The following MBOAT1 variants were observed in gnomAD, a reference collection of about 807,000 sequenced individuals.
MBOAT1 encodes the protein membrane-bound glycerophospholipid O-acyltransferase 1.
MBOAT1 carries 67 observed loss-of-function variants against 64.4 expected under a neutral mutation model. That is an observed-to-expected ratio of 1.04 (90% CI 0.85 to 1.27). MBOAT1 has a LOEUF of 1.27. Ranked by LOEUF, MBOAT1 falls within the 50% of genes most tolerant of loss-of-function variation. The probability of loss-of-function intolerance (pLI) is 0.00; values close to 1 mark genes in which losing one functional copy is unlikely to be tolerated. For synonymous variants in MBOAT1, 229 were observed against 218.9 expected, an observed-to-expected ratio of 1.05 and a Z score of -0.41; for missense variants, 563 against 604.6, an observed-to-expected ratio of 0.93 and a Z score of 0.72.
rs988040844 is a variant in MBOAT1 at position 20,142,637 on chromosome 6, A to C, written c.419+1583T>G. 8.5e-5 allele frequency among the ~76,000 whole-genome samples: 13 copies of C among 152,182 alleles called. 1 individual carries two copies. The highest frequency in any genetic ancestry group is 7.2e-4 in the Admixed American group (11 of 15,278). On this transcript the variant is annotated intron_variant, in intron 4 of 12. Coordinates refer to ENST00000324607, the MANE Select transcript of MBOAT1 (RefSeq NM_001080480.3). ...GCTAATTTTTATATTTTTAGTAGAG[A>C]TAGCGTTTCACCATGTTGGTCAGGC... is the stretch of plus-strand genomic sequence containing the variant.
At chr6:20,118,679 G>A (rs1238638913) in intron 8 of MBOAT1, 139 bp from the exon 9 acceptor site, 2 of 634,868 alleles carry the variant, frequency 3.2e-6, no homozygotes, top group Non-Finnish European at 5.4e-6. Context: ...AAAATGTAAA[G>A]GACCTGCTAA....
intron 11 of MBOAT1, among the ~76,000 whole-genome samples, chr6:20,110,636 C>G (rs1354883653): frequency 6.6e-6 from 1 of 151,960 alleles, no homozygotes; most frequent in Non-Finnish European, 1.5e-5. Context: ...CAAAGGAAAG[C>G]ATCACTTAAA....
At chr6:20,151,079 C>A in intron 3 of MBOAT1, 106 bp downstream of exon 3, 1 of 773,390 alleles carries the variant, frequency 1.3e-6, no homozygotes, top group Non-Finnish European at 2.2e-6. Flanking sequence ...CTAAGATATA[C>A]CACTTGTGGA....
chr6:20,199,705 C>T (rs1011665515), intron 1 of MBOAT1, among the ~76,000 whole-genome samples: 2 of 152,214 alleles, frequency 1.3e-5, no homozygotes, highest in Non-Finnish European at 2.9e-5. Context: ...TGCGGTGGCT[C>T]ACGCCCATAA....
chr6:20,181,806 A>C (rs939590579), intron 1 of MBOAT1, among the ~76,000 whole-genome samples: 5 of 152,220 alleles, frequency 3.3e-5, no homozygotes, highest in African/African-American at 1.2e-4. Flanking sequence ...CAGCACTATG[A>C]GAGGGCAGGG....
At chr6:20,146,895 T>C (rs1761340212) in intron 3 of MBOAT1, among the ~76,000 whole-genome samples, 1 of 152,208 alleles carries the variant, frequency 6.6e-6, no homozygotes, top group African/African-American at 2.4e-5. Flanking sequence ...GACTGACTGA[T>C]ACGGTTTGGC....
chr6:20,189,735 C>T (rs1240369459), intron 1 of MBOAT1, among the ~76,000 whole-genome samples: 1 of 151,736 alleles, frequency 6.6e-6, no homozygotes, highest in Non-Finnish European at 1.5e-5. Context: ...CTCTCTGCTT[C>T]TATGAGATCA....
At chr6:20,206,604 G>A (rs1049601595) in intron 1 of MBOAT1, among the ~76,000 whole-genome samples, 4 of 152,128 alleles carry the variant, frequency 2.6e-5, no homozygotes, top group Admixed American at 1.3e-4. Flanking sequence ...ACAGCAGGCC[G>A]GGTCACACCC....
At chr6:20,186,946 T>C (rs1054280664) in intron 1 of MBOAT1, among the ~76,000 whole-genome samples, 2 of 152,250 alleles carry the variant, frequency 1.3e-5, no homozygotes, top group African/African-American at 4.8e-5. Context: ...ACACGGTTAA[T>C]GAAACAAATT....
chr6:20,127,169 A>G (rs1760679031), intron 6 of MBOAT1, among the ~76,000 whole-genome samples: 1 of 152,170 alleles, frequency 6.6e-6, no homozygotes, highest in African/African-American at 2.4e-5. Flanking sequence ...GAAAGAGGCC[A>G]CGCAGAAGAA....
intron 8 of MBOAT1, among the ~76,000 whole-genome samples, chr6:20,119,510 TAAAAGTCCA>T (rs1760430091): frequency 1.3e-5 from 2 of 152,214 alleles, no homozygotes; most frequent in South Asian, 4.1e-4. Flanking sequence ...CCTTTTTCTA[TAAAAGTCCA>T]ACTCTAGATG....
chr6:20,210,782 T>C (rs947847780), intron 1 of MBOAT1, among the ~76,000 whole-genome samples: 1 of 152,216 alleles, frequency 6.6e-6, no homozygotes, highest in Non-Finnish European at 1.5e-5. Flanking sequence ...GGAGTCTTTC[T>C]AGCTGTGTAG....
chr6:20,109,757 C>T lies in MBOAT1; in HGVS notation c.1210-8G>A. The T allele has an allele frequency of 6.2e-7, 1 of 1,611,904 alleles. No individual in the cohort carries two copies. Among genetic ancestry groups the T allele is most frequent in the Non-Finnish European group, 8.5e-7 (1 of 1,178,376 alleles). ...TCTGTAGTTGTTCCTGACCTGCAGGCCAACACAGGCAACAGTAGTGAGGAG... is the reference window on the plus strand; with the variant it reads ...TCTGTAGTTGTTCCTGACCTGCAGGTCAACACAGGCAACAGTAGTGAGGAG... On this transcript the variant is annotated splice_polypyrimidine_tract_variant and splice_region_variant and intron_variant, in intron 11 of 12. Coordinates refer to ENST00000324607, the MANE Select transcript of MBOAT1 (RefSeq NM_001080480.3).
intron 1 of MBOAT1, among the ~76,000 whole-genome samples, chr6:20,208,177 G>A (rs1763315466): frequency 6.6e-6 from 1 of 152,072 alleles, no homozygotes; most frequent in African/African-American, 2.4e-5. Context: ...GCCGGGCGTG[G>A]TGGCTCATGC....
In MBOAT1 at chr6:20,154,752, A is replaced by C. The variant is rs150054593; in HGVS notation, c.100-1983T>G. 1.5e-3 allele frequency among the ~76,000 whole-genome samples: 224 copies of C among 152,310 alleles called. 1 individual carries two copies. Among genetic ancestry groups the C allele is most frequent in the Middle Eastern group, 3.4e-3 (1 of 294 alleles). ...GAACACACACAAACACAAAATGTAT[A>C]TAGAAAAAGAATCACCTTAGCAAGT... On this transcript the variant is annotated intron_variant, in intron 1 of 12. Coordinates refer to ENST00000324607, the MANE Select transcript of MBOAT1 (RefSeq NM_001080480.3).
intron 1 of MBOAT1, among the ~76,000 whole-genome samples, chr6:20,197,831 T>C (rs977412340): frequency 2.6e-5 from 4 of 152,212 alleles, no homozygotes; most frequent in African/African-American, 9.7e-5. Flanking sequence ...TCTAAATTGA[T>C]TGAGAGCTGT....
chr6:20,158,403 T>C (rs1761757850), intron 1 of MBOAT1, among the ~76,000 whole-genome samples: 1 of 152,146 alleles, frequency 6.6e-6, no homozygotes, highest in Non-Finnish European at 1.5e-5. Flanking sequence ...TTTCATCTCA[T>C]CCCTTATACA....
intron 11 of MBOAT1, among the ~76,000 whole-genome samples, chr6:20,112,652 G>A (rs961398750): frequency 6.6e-6 from 1 of 151,990 alleles, no homozygotes; most frequent in African/African-American, 2.4e-5. Flanking sequence ...TTTGTTTCAC[G>A]AACTACGAAC....
chr6:20,113,786 G>A (rs1209634716), intron 10 of MBOAT1, among the ~76,000 whole-genome samples: 3 of 149,128 alleles, frequency 2.0e-5, no homozygotes, highest in African/African-American at 7.4e-5. Context: ...CTAAATGAGA[G>A]GTCAAATAAA....
Sources: gnomAD v4.1 joint callset for allele counts (sites outside exome capture counted in the v4.1 genomes callset) on GRCh38, gnomAD v4.1.1 for gene constraint, MANE v1.5 for transcripts, NCBI Gene and HGNC (gene_info 2026-07-23, HGNC 2026-07-21) for gene names.